The following PRORP variants were observed in gnomAD, a reference collection of about 807,000 sequenced individuals.
PRORP encodes protein only RNase P catalytic subunit.
A neutral mutation model predicts 59.4 loss-of-function variants in PRORP; 51 were observed. The observed-to-expected ratio is 0.86, with a 90% CI of 0.69 to 1.08. The LOEUF (loss-of-function observed/expected upper bound fraction) is 1.08. Among genes scored for constraint, PRORP ranks in the 50% least tolerant of loss-of-function variants. The probability of loss-of-function intolerance (pLI) is 0.00; values close to 1 mark genes in which losing one functional copy is unlikely to be tolerated. For synonymous variants in PRORP, 231 were observed against 245.6 expected, an observed-to-expected ratio of 0.94 and a Z score of 0.55; for missense variants, 646 against 690.3, an observed-to-expected ratio of 0.94 and a Z score of 0.72.
chr14:35,226,506 A>T (rs1244029209), intron 5 of PRORP, among the ~76,000 whole-genome samples: 1 of 152,150 alleles, frequency 6.6e-6, no homozygotes, highest in Non-Finnish European at 1.5e-5. Context: ...AGAGTGGAAA[A>T]GGGGCTGACT....
At chr14:35,209,562 T>C (rs2049383750) in intron 5 of PRORP, among the ~76,000 whole-genome samples, 1 of 152,202 alleles carries the variant, frequency 6.6e-6, no homozygotes, top group Non-Finnish European at 1.5e-5. Flanking sequence ...TGTTTTGTTT[T>C]GTTTTTTGAG....
chr14:35,133,198 C>T (rs111886542), intron 4 of PRORP, among the ~76,000 whole-genome samples: 3 of 152,160 alleles, frequency 2.0e-5, no homozygotes, highest in Non-Finnish European at 4.4e-5. Flanking sequence ...GGATTACGGG[C>T]GTGAGCTACC....
intron 5 of PRORP, among the ~76,000 whole-genome samples, chr14:35,215,089 C>T (rs568617590): frequency 2.0e-5 from 3 of 152,054 alleles, no homozygotes; most frequent in Admixed American, 1.3e-4. Flanking sequence ...CTGTTGCTAC[C>T]TCCTTTTATG....
chr14:35,256,577 A>T (rs566540019), intron 5 of PRORP, among the ~76,000 whole-genome samples: 33 of 151,866 alleles, frequency 2.2e-4, no homozygotes, highest in South Asian at 6.2e-4. Context: ...TGATCCGCCC[A>T]CCTTGGCCTC....
intron 5 of PRORP, among the ~76,000 whole-genome samples, chr14:35,221,828 A>G (rs1309209215): frequency 2.0e-5 from 3 of 152,154 alleles, no homozygotes; most frequent in Admixed American, 6.6e-5. Flanking sequence ...TCAGACTTCT[A>G]TTCTTCCCTT....
intron 5 of PRORP, among the ~76,000 whole-genome samples, chr14:35,250,419 T>C (rs1420772951): frequency 1.3e-5 from 2 of 152,184 alleles, no homozygotes; most frequent in Non-Finnish European, 2.9e-5. Context: ...TTCCTGAGTT[T>C]AGGGATCTGT....
chr14:35,253,341 AAAAG>A lies in PRORP; in HGVS notation c.1276-13384_1276-13381del, dbSNP rs771810675. Among the ~76,000 whole-genome samples, 410 of 148,842 alleles carry A rather than the reference AAAAG, an allele frequency of 2.8e-3. 2 individuals carry two copies. Among genetic ancestry groups the A allele is most frequent in the African/African-American group, 8.6e-3 (350 of 40,628 alleles). ...AGAATGAGACTGTTTCAAAAAAAAA[AAAAG>A]AGAGAGAGAGAGAAAGAAAGAAAGA... is the stretch of plus-strand genomic sequence containing the variant. On this transcript the variant is annotated intron_variant, in intron 5 of 7. Transcript: ENST00000534898.
In PRORP at chr14:35,210,493, C is replaced by T. The variant is rs2049410145; in HGVS notation, c.1275+29716C>T. 2.6e-5 allele frequency among the ~76,000 whole-genome samples: 4 copies of T among 150,988 alleles called. No individual in the cohort carries two copies. In the Admixed American group the frequency reaches 2.7e-4, roughly 10 times the overall value. Reference sequence around the variant, plus strand: ...TTTGTAGTTAGGAGTTTTATTCAGCCCATAGAAAAAGACTTATACAGGGAA... The same window carrying T: ...TTTGTAGTTAGGAGTTTTATTCAGCTCATAGAAAAAGACTTATACAGGGAA... On this transcript the variant is annotated intron_variant, in intron 5 of 7. Transcript: ENST00000534898.
chr14:35,223,465 T>C, intron 5 of PRORP, among the ~76,000 whole-genome samples: 1 of 146,778 alleles, frequency 6.8e-6, no homozygotes, highest in East Asian at 2.0e-4. Context: ...ACTTTTTTTT[T>C]TTTTTTTTTT....
intron 4 of PRORP, among the ~76,000 whole-genome samples, chr14:35,130,779 C>T (rs781148610): frequency 3.3e-5 from 5 of 151,802 alleles, no homozygotes; most frequent in Admixed American, 1.3e-4. Context: ...CTACTGCACC[C>T]GGCCTATGTC....
intron 4 of PRORP, among the ~76,000 whole-genome samples, chr14:35,136,704 C>T (rs2047384516): frequency 1.4e-5 from 2 of 145,144 alleles, no homozygotes; most frequent in African/African-American, 2.4e-5. Context: ...AGCAGAAGAT[C>T]CAGGACTTGG....
At chr14:35,122,151 C>T (rs2046929007), upstream of PRORP, 2 of 588,450 alleles carry the variant, frequency 3.4e-6, no homozygotes, top group African/African-American at 3.7e-5. Context: ...ATACCGCTAC[C>T]ACGCTGACTG....
At chr14:35,191,715 AAAAC>A (rs1041240557) in intron 5 of PRORP, among the ~76,000 whole-genome samples, 4 of 152,104 alleles carry the variant, frequency 2.6e-5, no homozygotes, top group East Asian at 1.9e-4. Context: ...AAACCAAACC[AAAAC>A]AAACAAACAA....
intron 6 of PRORP, 40 bp downstream of exon 6, chr14:35,266,915 A>G (rs2051056623): frequency 1.2e-6 from 2 of 1,609,992 alleles, no homozygotes; most frequent in South Asian, 1.1e-5. Context: ...ACTGTGCTGC[A>G]GACATCTATC....
intron 5 of PRORP, among the ~76,000 whole-genome samples, chr14:35,225,178 C>A (rs1230833299): frequency 6.6e-6 from 1 of 151,840 alleles, no homozygotes; most frequent in South Asian, 2.1e-4. Context: ...TATGACTTAC[C>A]ACATACATGT....
intron 5 of PRORP, among the ~76,000 whole-genome samples, chr14:35,232,916 G>A (rs1256339051): frequency 4.7e-4 from 72 of 152,016 alleles, no homozygotes; most frequent in Admixed American, 4.7e-3. Context: ...CTCATGATCT[G>A]CCCGCCTCAG....
chr14:35,129,727 C>T (rs1238716063), intron 4 of PRORP, among the ~76,000 whole-genome samples: 1 of 151,820 alleles, frequency 6.6e-6, no homozygotes, highest in African/African-American at 2.4e-5. Flanking sequence ...GATCTGCCTT[C>T]CTCAGCCTCC....
intron 4 of PRORP, among the ~76,000 whole-genome samples, chr14:35,130,603 C>T (rs2047216380): frequency 6.6e-6 from 1 of 151,494 alleles, no homozygotes; most frequent in African/African-American, 2.4e-5. Context: ...TGAGTCTTAC[C>T]CTCCCAAGTA....
At chr14:35,213,402 G>T (rs990224722) in intron 5 of PRORP, among the ~76,000 whole-genome samples, 2 of 152,022 alleles carry the variant, frequency 1.3e-5, no homozygotes, top group East Asian at 3.8e-4. Context: ...CTGCACTCCA[G>T]TCTGCAGAGT....
Sources: gnomAD v4.1 joint callset for allele counts (sites outside exome capture counted in the v4.1 genomes callset) on GRCh38, gnomAD v4.1.1 for gene constraint, MANE v1.5 for transcripts, NCBI Gene and HGNC (gene_info 2026-07-23, HGNC 2026-07-21) for gene names.